SLC22A15: variants seen among roughly 807,000 people sequenced by gnomAD.
The protein encoded by SLC22A15 is flipt 1.
A neutral mutation model predicts 62.7 loss-of-function variants in SLC22A15; 45 were observed. That is an observed-to-expected ratio of 0.72 (90% CI 0.56 to 0.92). The LOEUF (loss-of-function observed/expected upper bound fraction) is 0.92, where lower values mean the gene tolerates loss of function less well. Among genes scored for constraint, SLC22A15 ranks in the 40% least tolerant of loss-of-function variants. The probability of loss-of-function intolerance (pLI) is 0.00; values close to 1 mark genes in which losing one functional copy is unlikely to be tolerated. For missense variants in SLC22A15, 622 were observed against 665.6 expected (o/e 0.93, Z 0.72); for synonymous variants, 264 against 267.0 (o/e 0.99, Z 0.11).
chr1:116,063,100 G>A (rs1213714655), intron 9 of SLC22A15, among the ~76,000 whole-genome samples: 1 of 152,176 alleles, frequency 6.6e-6, no homozygotes, highest in Non-Finnish European at 1.5e-5. Flanking sequence ...ATTCCTTAGT[G>A]TAAGTTGTAA....
At position 115,976,714 on chromosome 1, in the gene SLC22A15, G is replaced by A; in HGVS notation, c.87G>A (p.Gln29=). ...GCTTCCTGCTGGCCGTGCTGCTGCA[G>A]GTAAGTCCCCGCGGCCCCGCAGCCG... ...YLCFLLAVLL[Q]LYVATEAILI... Residue 29 remains glutamine, a splice_region_variant and synonymous_variant, in exon 1 of 12, where the codon CAG becomes CAA. Transcript: ENST00000369503. 6.3e-7 allele frequency: 1 copy of A among 1,581,682 alleles called. No homozygotes were observed. The highest frequency in any genetic ancestry group is 8.6e-7 in the Non-Finnish European group (1 of 1,165,780).
chr1:116,037,274 G>A, intron 7 of SLC22A15, 29 bp from the exon 8 acceptor site: 2 of 1,573,050 alleles, frequency 1.3e-6, no homozygotes, highest in Non-Finnish European at 1.7e-6. Context: ...GTTCTTAAGA[G>A]AACTGTGTAA....
intron 8 of SLC22A15, among the ~76,000 whole-genome samples, chr1:116,040,999 T>C (rs1657769253): frequency 6.6e-6 from 1 of 152,170 alleles, no homozygotes. Context: ...CTTAACTCTT[T>C]AGTGTGCAGG....
intron 2 of SLC22A15, among the ~76,000 whole-genome samples, chr1:116,010,520 AAGTT>A (rs1458583312): frequency 6.6e-6 from 1 of 152,214 alleles, no homozygotes; most frequent in Non-Finnish European, 1.5e-5. Flanking sequence ...GAAATGAAGC[AAGTT>A]AGTTAATCAC....
chr1:116,005,331 C>T (rs1288880787), intron 2 of SLC22A15, among the ~76,000 whole-genome samples: 1 of 151,070 alleles, frequency 6.6e-6, no homozygotes, highest in African/African-American at 2.5e-5. Context: ...TCATCTTGTA[C>T]CTCTCACCCC....
chr1:116,037,174 G>T, intron 7 of SLC22A15, 129 bp from the exon 8 acceptor site: 1 of 725,378 alleles, frequency 1.4e-6, no homozygotes. Context: ...AGTCACATTT[G>T]CCACTTAGCC....
chr1:115,984,881 G>C (rs1323802917), intron 1 of SLC22A15, among the ~76,000 whole-genome samples: 1 of 151,910 alleles, frequency 6.6e-6, no homozygotes, highest in Non-Finnish European at 1.5e-5. Context: ...TATAGAATAA[G>C]GATATAAAGA....
chr1:116,032,076 C>T, intron 6 of SLC22A15: 4 of 985,362 alleles, frequency 4.1e-6, no homozygotes, highest in Non-Finnish European at 4.8e-6. Flanking sequence ...AATATGATCC[C>T]TTGTACAGAT....
intron 10 of SLC22A15, among the ~76,000 whole-genome samples, chr1:116,066,202 A>T (rs558767439): frequency 1.6e-4 from 24 of 152,318 alleles, no homozygotes; most frequent in African/African-American, 5.5e-4. Context: ...AGCTCTGGCC[A>T]TATAGGCCTG....
At chr1:116,032,440 G>T in intron 6 of SLC22A15, 1 of 985,342 alleles carries the variant, frequency 1.0e-6, no homozygotes, top group Non-Finnish European at 1.2e-6. Context: ...CATGAAGCCT[G>T]CATGGAGCCC....
intron 5 of SLC22A15, among the ~76,000 whole-genome samples, chr1:116,030,247 C>T (rs904456431): frequency 4.6e-5 from 7 of 152,258 alleles, no homozygotes; most frequent in African/African-American, 1.7e-4. Flanking sequence ...CTTTCAGCAC[C>T]ATTACATTAC....
chr1:116,051,061 G>T (rs1384839471), intron 8 of SLC22A15, among the ~76,000 whole-genome samples: 2 of 152,144 alleles, frequency 1.3e-5, no homozygotes, highest in African/African-American at 2.4e-5. Context: ...ACTGCTGAAA[G>T]AAATCATAGA....
At chr1:115,988,049 C>T (rs866647034) in intron 1 of SLC22A15, among the ~76,000 whole-genome samples, 1 of 152,106 alleles carries the variant, frequency 6.6e-6, no homozygotes, top group Admixed American at 6.5e-5. Context: ...TTAAAAATTT[C>T]AATCCCCTAG....
intron 8 of SLC22A15, among the ~76,000 whole-genome samples, chr1:116,045,738 CAAAAAAA>C: frequency 9.8e-6 from 1 of 101,702 alleles, no homozygotes; most frequent in Non-Finnish European, 1.8e-5. Flanking sequence ...GACTCCATCT[CAAAAAAA>C]AAAAAAAAAA....
At chr1:115,999,264 T>C (rs1300237143) in intron 2 of SLC22A15, among the ~76,000 whole-genome samples, 2 of 152,162 alleles carry the variant, frequency 1.3e-5, no homozygotes, top group Non-Finnish European at 2.9e-5. Context: ...CTGCAGCTAT[T>C]GGATGAAATG....
At chr1:116,016,769 A>G (rs140871561) in intron 2 of SLC22A15, among the ~76,000 whole-genome samples, 10 of 151,672 alleles carry the variant, frequency 6.6e-5, no homozygotes, top group Non-Finnish European at 1.5e-5. Context: ...ATTCGTTCCT[A>G]CTCCTACTGC....
chr1:115,996,962 T>C (rs951391596), intron 2 of SLC22A15, among the ~76,000 whole-genome samples: 1 of 152,166 alleles, frequency 6.6e-6, no homozygotes, highest in East Asian at 1.9e-4. Flanking sequence ...TCTGTATGCC[T>C]TTTGTTTTAC....
chr1:116,052,907 A>G (rs1414101727), intron 8 of SLC22A15, among the ~76,000 whole-genome samples: 1 of 152,130 alleles, frequency 6.6e-6, no homozygotes, highest in African/African-American at 2.4e-5. Flanking sequence ...ACCCATCTGT[A>G]CATCACCATC....
chr1:116,010,473 C>T (rs1401031223), intron 2 of SLC22A15, among the ~76,000 whole-genome samples: 1 of 152,122 alleles, frequency 6.6e-6, no homozygotes, highest in Non-Finnish European at 1.5e-5. Flanking sequence ...CTGCAGACTT[C>T]ACCCATTAAG....
Sources: allele counts gnomAD v4.1 joint callset (sites outside exome capture counted in the v4.1 genomes callset), GRCh38; gene constraint gnomAD v4.1.1; transcripts MANE v1.5; gene names NCBI Gene and HGNC (gene_info 2026-07-23, HGNC 2026-07-21).